Variants in PLXDC2 observed in about 807,000 individuals in gnomAD.
PLXDC2 encodes plexin domain-containing protein 2.
A neutral mutation model predicts 68.9 loss-of-function variants in PLXDC2; 40 were observed. The observed-to-expected ratio is 0.58, with a 90% CI of 0.45 to 0.76. The LOEUF (loss-of-function observed/expected upper bound fraction) is 0.76, where lower values mean the gene tolerates loss of function less well. PLXDC2 is among the 30% of genes least tolerant of loss of function. The pLI, the probability that PLXDC2 is intolerant of heterozygous loss-of-function variation, is 0.00. For synonymous variants in PLXDC2, 243 were observed against 234.2 expected (o/e 1.04, Z -0.34); for missense variants, 644 against 661.9 (o/e 0.97, Z 0.30).
intron 1 of PLXDC2, among the ~76,000 whole-genome samples, chr10:19,990,228 CATTAGTGACTATATATCAAACAT>C (rs1358227624): frequency 2.0e-5 from 3 of 152,104 alleles, no homozygotes; most frequent in Non-Finnish European, 2.9e-5. Context: ...TTGTCCTGAG[CATTAGTGACTATATATCAAACAT>C]AATTTTTAGC....
chr10:20,001,090 C>T (rs1834928199), intron 1 of PLXDC2, among the ~76,000 whole-genome samples: 5 of 152,166 alleles, frequency 3.3e-5, no homozygotes, highest in Admixed American at 3.3e-4. Flanking sequence ...CCATCCATTT[C>T]TGTAAGTGCC....
chr10:19,966,561 CA>C (rs1166812451), intron 1 of PLXDC2, among the ~76,000 whole-genome samples: 1 of 151,760 alleles, frequency 6.6e-6, no homozygotes, highest in East Asian at 1.9e-4. Context: ...GGTAAAGCAG[CA>C]AGTGAAATGT....
At chr10:19,967,540 G>T (rs1834284272) in intron 1 of PLXDC2, among the ~76,000 whole-genome samples, 1 of 152,026 alleles carries the variant, frequency 6.6e-6, no homozygotes, top group Admixed American at 6.5e-5. Flanking sequence ...AACATACTAA[G>T]AGAAAACAAT....
At chr10:19,927,753 G>A (rs1016748638) in intron 1 of PLXDC2, among the ~76,000 whole-genome samples, 2 of 149,882 alleles carry the variant, frequency 1.3e-5, no homozygotes, top group Non-Finnish European at 3.0e-5. Context: ...GGAATCATGG[G>A]TGGGTATAAT....
chr10:20,018,164 A>G (rs1835245621), intron 2 of PLXDC2, among the ~76,000 whole-genome samples: 1 of 152,198 alleles, frequency 6.6e-6, no homozygotes, highest in Non-Finnish European at 1.5e-5. Flanking sequence ...GTGGGCCCCC[A>G]GTTGCTATTG....
At chr10:20,014,998 A>G (rs562144725) in intron 2 of PLXDC2, among the ~76,000 whole-genome samples, 2 of 152,314 alleles carry the variant, frequency 1.3e-5, no homozygotes, top group Admixed American at 6.5e-5. Flanking sequence ...AATGTTTGTC[A>G]GAAAGAATCG....
chr10:20,137,584 G>C (rs764349175), intron 4 of PLXDC2, among the ~76,000 whole-genome samples: 1 of 152,186 alleles, frequency 6.6e-6, no homozygotes, highest in African/African-American at 2.4e-5. Context: ...CTGCTCTAAG[G>C]CATAGGTGCT....
intron 1 of PLXDC2, among the ~76,000 whole-genome samples, chr10:19,965,744 G>A (rs1296774088): frequency 6.6e-6 from 1 of 151,158 alleles, no homozygotes; most frequent in African/African-American, 2.4e-5. Flanking sequence ...ATAATTCAAT[G>A]AAAGTGTCTT....
At chr10:19,961,470 G>T (rs938802213) in intron 1 of PLXDC2, among the ~76,000 whole-genome samples, 2 of 152,210 alleles carry the variant, frequency 1.3e-5, no homozygotes, top group African/African-American at 4.8e-5. Flanking sequence ...AAGAAAAATT[G>T]TTAGCAAAAT....
At chr10:20,076,706 A>G (rs142892806) in intron 4 of PLXDC2, among the ~76,000 whole-genome samples, 3 of 152,252 alleles carry the variant, frequency 2.0e-5, no homozygotes, top group African/African-American at 2.4e-5. Flanking sequence ...GTGTTTAGGA[A>G]CCTAATCCAT....
At chr10:20,271,134 C>CACACACACAT (rs367991391) in intron 13 of PLXDC2, among the ~76,000 whole-genome samples, 79,731 of 145,868 alleles carry the variant, frequency 0.55, 22,091 homozygotes, top group Middle Eastern at 0.7. Context: ...AAAAAACAGA[C>CACACACACAT]ACACACACAC....
intron 6 of PLXDC2, among the ~76,000 whole-genome samples, chr10:20,160,357 T>A (rs915244746): frequency 2.6e-5 from 4 of 152,140 alleles, no homozygotes; most frequent in Admixed American, 6.5e-5. Context: ...TGGCAACAAG[T>A]TAAAGCATAA....
chr10:20,139,540 A>T (rs2131786000), intron 4 of PLXDC2, among the ~76,000 whole-genome samples: 1 of 152,350 alleles, frequency 6.6e-6, no homozygotes, highest in East Asian at 1.9e-4. Flanking sequence ...TTCTACTATA[A>T]AGACACGTGC....
At chr10:20,273,599 C>CGAAG (rs1292415910) in intron 13 of PLXDC2, among the ~76,000 whole-genome samples, 1 of 152,206 alleles carries the variant, frequency 6.6e-6, no homozygotes, top group African/African-American at 2.4e-5. Context: ...TGCATCCCTT[C>CGAAG]AATCACATGT....
intron 1 of PLXDC2, among the ~76,000 whole-genome samples, chr10:19,839,979 T>C (rs534365181): frequency 6.6e-6 from 1 of 152,306 alleles, no homozygotes; most frequent in East Asian, 1.9e-4. Context: ...CACTTCTTGA[T>C]AAGGAGGAAT....
chr10:20,185,355 AT>A (rs1834668435), intron 9 of PLXDC2, among the ~76,000 whole-genome samples: 1 of 151,802 alleles, frequency 6.6e-6, no homozygotes, highest in Non-Finnish European at 1.5e-5. Flanking sequence ...TTCCTAGCAT[AT>A]TTTGACTTTA....
At chr10:20,088,950 C>T (rs1050937276) in intron 4 of PLXDC2, among the ~76,000 whole-genome samples, 1 of 152,050 alleles carries the variant, frequency 6.6e-6, no homozygotes, top group Non-Finnish European at 1.5e-5. Context: ...GAGCACATCG[C>T]TTTTGGAATA....
At chr10:20,065,250 A>G (rs1836185011) in intron 3 of PLXDC2, among the ~76,000 whole-genome samples, 1 of 152,210 alleles carries the variant, frequency 6.6e-6, no homozygotes, top group African/African-American at 2.4e-5. Context: ...CAAGGAACTA[A>G]AAGTTGTTGC....
intron 1 of PLXDC2, among the ~76,000 whole-genome samples, chr10:19,832,965 T>C (rs1836722812): frequency 6.6e-6 from 1 of 152,202 alleles, no homozygotes; most frequent in African/African-American, 2.4e-5. Context: ...CCTCCATTTC[T>C]TCATCTGTAA....
Sources: gnomAD v4.1 joint callset for allele counts (sites outside exome capture counted in the v4.1 genomes callset) on GRCh38, gnomAD v4.1.1 for gene constraint, MANE v1.5 for transcripts, NCBI Gene and HGNC (gene_info 2026-07-23, HGNC 2026-07-21) for gene names.